The following LMLN variants were observed in gnomAD, a reference collection of about 807,000 sequenced individuals.
LMLN encodes leishmanolysin like peptidase, also known as leishmanolysin-like peptidase.
A neutral mutation model predicts 92.3 loss-of-function variants in LMLN; 70 were observed. The observed-to-expected ratio is 0.76, with a 90% CI of 0.63 to 0.92. The LOEUF is 0.92. Ranked by LOEUF, LMLN falls within the 40% of genes least tolerant of loss-of-function variation. The pLI is 0.00. For missense variants in LMLN, 691 were observed against 814.6 expected, an observed-to-expected ratio of 0.85 and a Z score of 1.85; for synonymous variants, 308 against 296.2, an observed-to-expected ratio of 1.04 and a Z score of -0.41.
At chr3:197,977,357 A>G (rs778585695) in intron 5 of LMLN, among the ~76,000 whole-genome samples, 12 of 152,236 alleles carry the variant, frequency 7.9e-5, no homozygotes, top group African/African-American at 2.9e-4. Flanking sequence ...TGATCAAACA[A>G]TCTGGAAGTA....
intron 8 of LMLN, among the ~76,000 whole-genome samples, chr3:197,986,269 G>A (rs946156444): frequency 1.3e-5 from 2 of 152,068 alleles, no homozygotes; most frequent in African/African-American, 4.8e-5. Flanking sequence ...AAAACCTGCC[G>A]GGCAGCGTGG....
intron 11 of LMLN, among the ~76,000 whole-genome samples, chr3:198,008,489 G>A (rs1317870772): frequency 6.6e-6 from 1 of 152,196 alleles, no homozygotes; most frequent in Admixed American, 6.5e-5. Flanking sequence ...ACTTTGGGAG[G>A]CTGAGGCAGG....
exon 8 of LMLN, chr3:197,985,855 A>G: frequency 6.2e-7 from 1 of 1,613,300 alleles, no homozygotes; most frequent in Non-Finnish European, 8.5e-7. Context: ...CTCTCACTTC[A>G]AGATTTGCAG....
chr3:197,963,152 GC>G (rs1413759881), intron 1 of LMLN, among the ~76,000 whole-genome samples: 14 of 150,960 alleles, frequency 9.3e-5, no homozygotes, highest in Non-Finnish European at 1.3e-4. Flanking sequence ...ATTTTTCTCA[GC>G]AAAAATGTAT....
chr3:197,987,770 G>A (rs562556666), intron 8 of LMLN, among the ~76,000 whole-genome samples: 1 of 152,000 alleles, frequency 6.6e-6, no homozygotes, highest in Admixed American at 6.5e-5. Context: ...TTTTTAAAAG[G>A]TATAGCAAAG....
At chr3:197,984,637 TA>T (rs1464537204) in intron 7 of LMLN, among the ~76,000 whole-genome samples, 1 of 150,932 alleles carries the variant, frequency 6.6e-6, no homozygotes, top group African/African-American at 2.4e-5. Context: ...TTGATAGAGA[TA>T]AGGTCTCGCT....
At chr3:197,967,767 T>G (rs1266114186) in intron 1 of LMLN, among the ~76,000 whole-genome samples, 1 of 152,282 alleles carries the variant, frequency 6.6e-6, no homozygotes, top group East Asian at 1.9e-4. Flanking sequence ...TCAGTCCTTA[T>G]CTCAACCACA....
chr3:197,996,287 G>A lies in LMLN; in HGVS notation c.1155+5G>A. 2 of 1,517,576 alleles carry A rather than the reference G, an allele frequency of 1.3e-6. No homozygotes were observed. Among genetic ancestry groups the A allele is most frequent in the South Asian group, 1.2e-5 (1 of 82,418 alleles). The allele number at this position is 1,517,576 out of a possible 1,614,324, so 94.0% of individuals were successfully genotyped here. A position where few individuals can be genotyped will look rare whatever the true frequency, so the allele number is the denominator to read the frequency against. On this transcript the variant is annotated splice_donor_5th_base_variant and intron_variant, in intron 10 of 15. Coordinates refer to ENST00000330198, the Ensembl canonical transcript of LMLN. ...TGGGAAAAAAGGTTATTAGAGGTCA[G>A]TTTGTTTTTAAATTTTCCTAGACTT...
intron 7 of LMLN, among the ~76,000 whole-genome samples, chr3:197,984,986 G>C (rs1721663559): frequency 2.6e-5 from 4 of 152,078 alleles, no homozygotes. Flanking sequence ...CCCTTCTGCT[G>C]CCGCTTCTGA....
At chr3:198,034,338 G>A (rs1313229500) in intron 14 of LMLN, among the ~76,000 whole-genome samples, 2 of 152,096 alleles carry the variant, frequency 1.3e-5, no homozygotes, top group Non-Finnish European at 2.9e-5. Context: ...GGCTGGGTGC[G>A]GTGGCTCACG....
At chr3:198,035,913 T>C (rs2109959464) in exon 15 of LMLN, 1 of 1,614,138 alleles carries the variant, frequency 6.2e-7, no homozygotes, top group Admixed American at 1.7e-5. Flanking sequence ...AGGTCCTCCC[T>C]GTCAGTATCC....
chr3:198,038,277 A>G, intron 15 of LMLN: 1 of 329,066 alleles, frequency 3.0e-6, no homozygotes, highest in Non-Finnish European at 5.7e-6. Context: ...CCATCTCAGA[A>G]TAACCAAGAT....
chr3:198,038,978 C>T (rs1311773035), exon 16 of LMLN: 1 of 305,336 alleles, frequency 3.3e-6, no homozygotes, highest in Non-Finnish European at 6.3e-6. Flanking sequence ...AGCAACCCAA[C>T]CACCTCATCA....
chr3:197,992,442 TGAAAG>T (rs1160350378), intron 9 of LMLN, among the ~76,000 whole-genome samples: 1 of 151,854 alleles, frequency 6.6e-6, no homozygotes, highest in Non-Finnish European at 1.5e-5. Context: ...ACATAAGAAA[TGAAAG>T]AGGAGACATT....
exon 15 of LMLN, chr3:198,035,858 A>G (rs781692073): frequency 3.7e-6 from 6 of 1,613,786 alleles, no homozygotes; most frequent in Non-Finnish European, 5.1e-6. Context: ...CAAGGTCTGA[A>G]AGTTTGGGTC....
chr3:198,036,384 TTAAA>T (rs1274067755), intron 15 of LMLN, among the ~76,000 whole-genome samples: 2 of 152,104 alleles, frequency 1.3e-5, no homozygotes, highest in African/African-American at 4.8e-5. Context: ...CAAAAAGTAA[TTAAA>T]TATATTTTAG....
At position 197,980,437 on chromosome 3, in the gene LMLN, G is replaced by A. The variant is rs775031948; in HGVS notation, c.661G>A (p.Glu221Lys). ...TCTTTACGTTGGTGCTCTGGCCACC[G>A]AGAGATGCAGCCATGAAAACATCAT... Residue 221 changes from glutamate to lysine, a missense_variant, in exon 6 of 16, where the codon GAG (glutamate) becomes AAG (lysine). Coordinates refer to ENST00000330198, the Ensembl canonical transcript of LMLN. 4 of 1,613,862 alleles carry A rather than the reference G, an allele frequency of 2.5e-6. No individual in the cohort carries two copies. The highest frequency in any genetic ancestry group is 8.5e-7 in the Non-Finnish European group (1 of 1,180,024).
intron 11 of LMLN, among the ~76,000 whole-genome samples, chr3:198,015,624 C>A (rs1306330896): frequency 6.9e-6 from 1 of 144,326 alleles, no homozygotes; most frequent in Non-Finnish European, 1.5e-5. Flanking sequence ...TTCAGAGCCC[C>A]CTAACTAGTC....
chr3:198,021,415 CT>C, intron 12 of LMLN, 30 bp from the exon 14 acceptor site: 1 of 1,605,646 alleles, frequency 6.2e-7, no homozygotes, highest in Non-Finnish European at 8.5e-7. Flanking sequence ...ATGTTTCTTA[CT>C]TTCTTGTCTT....
Sources: allele counts gnomAD v4.1 joint callset (sites outside exome capture counted in the v4.1 genomes callset), GRCh38; gene constraint gnomAD v4.1.1; transcripts MANE v1.5; gene names NCBI Gene and HGNC (gene_info 2026-07-23, HGNC 2026-07-21).